The following DPP6 variants were observed in gnomAD, a reference collection of about 807,000 sequenced individuals.
DPP6 encodes A-type potassium channel modulatory protein DPP6.
DPP6 carries 69 observed loss-of-function variants against 122.6 expected under a neutral mutation model. The ratio of observed to expected loss-of-function variants is 0.56; its 90% confidence interval spans 0.46 to 0.69. The LOEUF (loss-of-function observed/expected upper bound fraction) is 0.69. Among genes scored for constraint, DPP6 ranks in the 30% least tolerant of loss-of-function variants. The pLI, the probability that DPP6 is intolerant of heterozygous loss-of-function variation, is 0.00. For missense variants in DPP6, 928 were observed against 1,116.9 expected (o/e 0.83, Z 2.41); for synonymous variants, 418 against 433.1 (o/e 0.97, Z 0.43).
chr7:154,338,218 C>T (rs770548243), intron 1 of DPP6, among the ~76,000 whole-genome samples: 1 of 152,162 alleles, frequency 6.6e-6, no homozygotes, highest in Non-Finnish European at 1.5e-5. Context: ...CCAAATTGGA[C>T]TCTCCAGCTG....
chr7:154,225,367 ATATATC>A (rs1800532176), intron 1 of DPP6, among the ~76,000 whole-genome samples: 1 of 152,104 alleles, frequency 6.6e-6, no homozygotes, highest in Non-Finnish European at 1.5e-5. Context: ...AAAATAGAAT[ATATATC>A]TATAGAACAG....
intron 1 of DPP6, among the ~76,000 whole-genome samples, chr7:154,183,421 C>T (rs1282049818): frequency 6.6e-6 from 1 of 152,144 alleles, no homozygotes; most frequent in Non-Finnish European, 1.5e-5. Context: ...GGCTCCTGAT[C>T]TTTTTAAAAG....
chr7:154,051,030 C>T (rs1481799245), upstream of DPP6, among the ~76,000 whole-genome samples: 3 of 131,772 alleles, frequency 2.3e-5, no homozygotes, highest in East Asian at 6.2e-4. Context: ...CATGCAGTTT[C>T]AGGCCCAGGC....
At chr7:154,575,832 T>A (rs896349452) in intron 5 of DPP6, among the ~76,000 whole-genome samples, 4 of 151,676 alleles carry the variant, frequency 2.6e-5, no homozygotes, top group African/African-American at 4.9e-5. Context: ...TGTGTGTTGT[T>A]CTGGCTAGTG....
intron 1 of DPP6, among the ~76,000 whole-genome samples, chr7:154,272,334 G>A (rs1182379285): frequency 6.6e-6 from 1 of 152,222 alleles, no homozygotes; most frequent in African/African-American, 2.4e-5. Context: ...ACACACCTCT[G>A]TTACTTCTTA....
chr7:154,363,297 A>G (rs190446476), intron 1 of DPP6, among the ~76,000 whole-genome samples: 23 of 152,380 alleles, frequency 1.5e-4, no homozygotes, highest in East Asian at 5.8e-4. Context: ...TCAATGTTCC[A>G]GAAGTGCTAT....
chr7:154,538,427 G>A (rs78648913), intron 3 of DPP6, among the ~76,000 whole-genome samples: 4,963 of 152,000 alleles, frequency 0.033, 273 homozygotes, highest in African/African-American at 0.11. Context: ...AGTGTATGTC[G>A]TTCCCCTCTC....
intron 1 of DPP6, among the ~76,000 whole-genome samples, chr7:154,396,107 C>T (rs1368738792): frequency 1.3e-5 from 2 of 152,062 alleles, no homozygotes; most frequent in African/African-American, 2.4e-5. Flanking sequence ...ATTTAACTCT[C>T]CAGTCACTCA....
At chr7:154,425,849 C>T (rs1586233359) in intron 1 of DPP6, among the ~76,000 whole-genome samples, 1 of 151,928 alleles carries the variant, frequency 6.6e-6, no homozygotes, top group East Asian at 1.9e-4. Flanking sequence ...CTCTATGTTG[C>T]CCAGGCTGAT....
chr7:154,759,176 G>T (rs571855661), intron 8 of DPP6, among the ~76,000 whole-genome samples: 4 of 152,218 alleles, frequency 2.6e-5, no homozygotes, highest in Admixed American at 1.3e-4. Context: ...CCGCAGGGAT[G>T]CTCCCATTCC....
intron 1 of DPP6, among the ~76,000 whole-genome samples, chr7:153,888,693 T>A (rs1022877743): frequency 1.4e-5 from 2 of 148,010 alleles, no homozygotes; most frequent in African/African-American, 5.0e-5. Flanking sequence ...TATTTTAAGT[T>A]GCTGGCTGGC....
At chr7:154,250,464 G>C (rs1034273524) in intron 1 of DPP6, among the ~76,000 whole-genome samples, 2 of 152,020 alleles carry the variant, frequency 1.3e-5, no homozygotes, top group Admixed American at 6.6e-5. Flanking sequence ...GTTTATCTCA[G>C]AAGTCTTTGA....
chr7:154,196,661 C>A (rs1306628877), intron 1 of DPP6, among the ~76,000 whole-genome samples: 2 of 152,162 alleles, frequency 1.3e-5, no homozygotes, highest in African/African-American at 4.8e-5. Context: ...ACCTGGGCTC[C>A]CTGGCCATGA....
At chr7:154,362,538 C>T (rs532613213) in intron 1 of DPP6, among the ~76,000 whole-genome samples, 30 of 151,966 alleles carry the variant, frequency 2.0e-4, no homozygotes, top group Non-Finnish European at 3.8e-4. Flanking sequence ...CCTCAGCATC[C>T]TGAGTAGCTG....
In DPP6 at chr7:154,582,724, GTCC is replaced by G. The variant is rs1309684757; in HGVS notation, c.627+15814_627+15816del. Among the ~76,000 whole-genome samples the G allele has an allele frequency of 7.5e-4, 114 of 152,284 alleles. 1 individual carries two copies. Among genetic ancestry groups the G allele is most frequent in the Admixed American group, 7.5e-3 (114 of 15,294 alleles). On this transcript the variant is annotated intron_variant, in intron 5 of 25. Coordinates refer to ENST00000377770, the MANE Select transcript of DPP6 (RefSeq NM_130797.4). ...TCTCTCTCTCTCAACCCATACCCAT[GTCC>G]TCCTCTGGTTCTTCCCTTCACAGTC... is the stretch of plus-strand genomic sequence containing the variant.
chr7:154,134,920 GCT>G (rs978272146), intron 1 of DPP6, among the ~76,000 whole-genome samples: 1 of 151,946 alleles, frequency 6.6e-6, no homozygotes, highest in African/African-American at 2.4e-5. Flanking sequence ...CTTCCTGTGA[GCT>G]CTCACTTCCT....
intron 5 of DPP6, among the ~76,000 whole-genome samples, chr7:154,583,873 C>T (rs1387337695): frequency 1.3e-5 from 2 of 152,136 alleles, no homozygotes; most frequent in Non-Finnish European, 2.9e-5. Flanking sequence ...GTTGGCCCCA[C>T]GTCCTGCCTG....
rs1249603608 is a variant in DPP6 at position 154,659,715 on chromosome 7, C to T, written c.681-9645C>T. Among the ~76,000 whole-genome samples, 9 of 152,300 alleles carry T rather than the reference C, an allele frequency of 5.9e-5. No individual in the cohort carries two copies. In the East Asian group the frequency reaches 1.2e-3, roughly 20 times the overall value. ...CCACCACTTCACAACTTCCTCCCCACGAGGAACATCCTGGTGTTTTTGAAG... is the reference window on the plus strand; with the variant it reads ...CCACCACTTCACAACTTCCTCCCCATGAGGAACATCCTGGTGTTTTTGAAG... On this transcript the variant is annotated intron_variant, in intron 6 of 25. Transcript: ENST00000377770.
chr7:154,209,264 C>T (rs954077234), intron 1 of DPP6, among the ~76,000 whole-genome samples: 1 of 152,176 alleles, frequency 6.6e-6, no homozygotes, highest in African/African-American at 2.4e-5. Flanking sequence ...TTCTGCAGCA[C>T]CTGCTAGAAT....
Sources: allele counts gnomAD v4.1 joint callset (sites outside exome capture counted in the v4.1 genomes callset), GRCh38; gene constraint gnomAD v4.1.1; transcripts MANE v1.5; gene names NCBI Gene and HGNC (gene_info 2026-07-23, HGNC 2026-07-21).